The following NBEA variants were observed in gnomAD, a reference collection of about 807,000 sequenced individuals.
NBEA encodes the protein neurobeachin.
A neutral mutation model predicts 343.4 loss-of-function variants in NBEA; 44 were observed. The ratio of observed to expected loss-of-function variants is 0.13; its 90% CI spans 0.10 to 0.16. The LOEUF (loss-of-function observed/expected upper bound fraction) is 0.16. Ranked by LOEUF, NBEA falls within the 10% of genes least tolerant of loss-of-function variation. The pLI, the probability that NBEA is intolerant of heterozygous loss-of-function variation, is 1.00. For synonymous variants in NBEA, 1,175 were observed against 1,238.7 expected, an observed-to-expected ratio of 0.95 and a Z score of 1.08; for missense variants, 2,555 against 3,631.3, an observed-to-expected ratio of 0.70 and a Z score of 7.62.
At chr13:35,298,419 A>T (rs1388396742) in intron 35 of NBEA, among the ~76,000 whole-genome samples, 1 of 151,530 alleles carries the variant, frequency 6.6e-6, no homozygotes, top group South Asian at 2.1e-4. Context: ...TAATGTTCTT[A>T]TACTGGCTTC....
At chr13:35,275,663 A>G (rs1294944851) in intron 34 of NBEA, among the ~76,000 whole-genome samples, 1 of 152,104 alleles carries the variant, frequency 6.6e-6, no homozygotes, top group African/African-American at 2.4e-5. Flanking sequence ...TACAAGAAAA[A>G]AACAAACAAC....
intron 10 of NBEA, among the ~76,000 whole-genome samples, chr13:35,093,982 T>C (rs2065208699): frequency 6.6e-6 from 1 of 151,822 alleles, no homozygotes; most frequent in African/African-American, 2.4e-5. Context: ...TATACTAATA[T>C]ATAGTAATAT....
At chr13:35,161,045 G>A (rs61947432) in intron 22 of NBEA, among the ~76,000 whole-genome samples, 5,041 of 152,252 alleles carry the variant, frequency 0.033, 87 homozygotes, top group South Asian at 0.056. Context: ...TGTGGGGAAA[G>A]TATTTTTATT....
At chr13:35,104,206 T>TA (rs1467323869) in intron 11 of NBEA, among the ~76,000 whole-genome samples, 1 of 151,950 alleles carries the variant, frequency 6.6e-6, no homozygotes, top group African/African-American at 2.4e-5. Flanking sequence ...CTATGCTTCA[T>TA]TCAGGATTTT....
At chr13:35,539,268 GATCT>G (rs1431669978) in intron 41 of NBEA, among the ~76,000 whole-genome samples, 6 of 152,076 alleles carry the variant, frequency 3.9e-5, no homozygotes, top group African/African-American at 7.2e-5. Context: ...GGAGCAGCAG[GATCT>G]CCTAGCTTAA....
At chr13:35,468,119 A>G (rs959237537) in intron 40 of NBEA, among the ~76,000 whole-genome samples, 1 of 39,614 alleles carries the variant, frequency 2.5e-5, no homozygotes, top group African/African-American at 1.0e-4. Context: ...CCCCCCCCCC[A>G]CTCCCCTCCC....
At chr13:35,414,692 C>G (rs1199327120) in intron 38 of NBEA, among the ~76,000 whole-genome samples, 1 of 152,102 alleles carries the variant, frequency 6.6e-6, no homozygotes, top group Non-Finnish European at 1.5e-5. Context: ...AATAAACATA[C>G]GTGTGCATGT....
chr13:35,552,952 G>A (rs1487359292), intron 43 of NBEA, among the ~76,000 whole-genome samples: 1 of 151,824 alleles, frequency 6.6e-6, no homozygotes. Context: ...GTGCAGTGGC[G>A]TGATCTCAGC....
At chr13:35,439,830 G>A (rs1168247405) in intron 39 of NBEA, among the ~76,000 whole-genome samples, 12 of 151,890 alleles carry the variant, frequency 7.9e-5, no homozygotes, top group Admixed American at 4.6e-4. Context: ...AATTCTTTGT[G>A]CTTATTACTC....
chr13:35,359,448 C>G (rs1450115879), intron 38 of NBEA, among the ~76,000 whole-genome samples: 1 of 152,086 alleles, frequency 6.6e-6, no homozygotes, highest in African/African-American at 2.4e-5. Context: ...TATCCCTGTT[C>G]TCAAATATAT....
At chr13:35,090,298 A>G (rs2065016702) in intron 10 of NBEA, among the ~76,000 whole-genome samples, 1 of 151,870 alleles carries the variant, frequency 6.6e-6, no homozygotes, top group African/African-American at 2.4e-5. Flanking sequence ...AGAATTATGC[A>G]TAGGTTTTTC....
At chr13:35,513,588 CT>C (rs1286619558) in intron 41 of NBEA, among the ~76,000 whole-genome samples, 20 of 151,750 alleles carry the variant, frequency 1.3e-4, no homozygotes, top group Admixed American at 7.2e-4. Flanking sequence ...TGTTTTTCAC[CT>C]TTTTTTAAAT....
chr13:35,251,451 A>C (rs1014687685), intron 34 of NBEA: 5 of 1,057,354 alleles, frequency 4.7e-6, no homozygotes, highest in Middle Eastern at 4.4e-4. Context: ...TGGAGAACTT[A>C]TCACTCAGAG....
intron 1 of NBEA, among the ~76,000 whole-genome samples, chr13:34,976,662 T>G (rs931591243): frequency 4.0e-5 from 6 of 150,432 alleles, no homozygotes; most frequent in South Asian, 2.1e-4. Flanking sequence ...TTGTTTTTTT[T>G]TTTTTTTCAT....
intron 41 of NBEA, among the ~76,000 whole-genome samples, chr13:35,502,499 GT>G (rs199765383): frequency 1.9e-3 from 284 of 145,902 alleles, no homozygotes; most frequent in Middle Eastern, 7.1e-3. Flanking sequence ...TTTTCCCTGG[GT>G]TTTTTTTTTT....
At chr13:34,959,275 T>A (rs988349815) in intron 1 of NBEA, among the ~76,000 whole-genome samples, 1 of 152,158 alleles carries the variant, frequency 6.6e-6, no homozygotes, top group African/African-American at 2.4e-5. Context: ...AATTTTATGT[T>A]TTTTTCGTAG....
intron 44 of NBEA, among the ~76,000 whole-genome samples, chr13:35,560,144 A>G (rs1308005063): frequency 2.0e-5 from 3 of 152,060 alleles, no homozygotes; most frequent in Non-Finnish European, 4.4e-5. Flanking sequence ...GAGAGTAGCT[A>G]AATAACTTGG....
chr13:35,580,867 A>G (rs1053357718), intron 45 of NBEA, among the ~76,000 whole-genome samples: 3 of 152,222 alleles, frequency 2.0e-5, no homozygotes, highest in African/African-American at 4.8e-5. Flanking sequence ...AAACACTGCA[A>G]TAACATGACT....
At chr13:35,064,120 C>T (rs767588990) in intron 8 of NBEA, among the ~76,000 whole-genome samples, 3 of 151,846 alleles carry the variant, frequency 2.0e-5, no homozygotes, top group Non-Finnish European at 4.4e-5. Context: ...AGTTCAGAGG[C>T]GACATACAGG....
Sources: gnomAD v4.1 joint callset for allele counts (sites outside exome capture counted in the v4.1 genomes callset) on GRCh38, gnomAD v4.1.1 for gene constraint, MANE v1.5 for transcripts, NCBI Gene and HGNC (gene_info 2026-07-23, HGNC 2026-07-21) for gene names.